The following SLC7A1 variants were observed in gnomAD, a reference collection of about 807,000 sequenced individuals.
SLC7A1 encodes solute carrier family 7 member 1, also known as high affinity cationic amino acid transporter 1.
Under a neutral mutation model 53.9 loss-of-function variants are expected in SLC7A1, and 10 were observed. The observed-to-expected ratio is 0.19, with a 90% CI of 0.11 to 0.31. The LOEUF is 0.31. Among genes scored for constraint, SLC7A1 ranks in the 10% least tolerant of loss-of-function variants. The pLI, the probability that SLC7A1 is intolerant of heterozygous loss-of-function variation, is 1.00. For synonymous variants in SLC7A1, 342 were observed against 338.7 expected, an observed-to-expected ratio of 1.01 and a Z score of -0.11; for missense variants, 525 against 827.2, an observed-to-expected ratio of 0.63 and a Z score of 4.48.
chr13:29,546,474 C>G lies in SLC7A1; in HGVS notation c.-15+7287G>C, dbSNP rs997431315. Among the ~76,000 whole-genome samples, 6 of 152,142 alleles carry G rather than the reference C, an allele frequency of 3.9e-5. No individual in the cohort carries two copies. The East Asian group carries it at 1.2e-3, about 29-fold the overall frequency. Reference sequence around the variant, plus strand: ...TTCTAAATATTTCCTCTTCCAAAAGCAAAAGGAGAATCAGCATTGCAAACG... The same window carrying G: ...TTCTAAATATTTCCTCTTCCAAAAGGAAAAGGAGAATCAGCATTGCAAACG... On this transcript the variant is annotated intron_variant, in intron 2 of 12. Transcript: ENST00000380752.
chr13:29,561,527 G>T (rs1870755663), intron 1 of SLC7A1, among the ~76,000 whole-genome samples: 1 of 152,216 alleles, frequency 6.6e-6, no homozygotes, highest in East Asian at 1.9e-4. Flanking sequence ...TTTCTAGTCT[G>T]AAAAGGCAAA....
At chr13:29,519,932 T>C (rs1412767006) in intron 8 of SLC7A1, among the ~76,000 whole-genome samples, 1 of 152,188 alleles carries the variant, frequency 6.6e-6, no homozygotes, top group Non-Finnish European at 1.5e-5. Context: ...TGGGTTCTTA[T>C]GACTCTGAGT....
In SLC7A1 at chr13:29,532,888, G is replaced by A. The variant is rs749028386; in HGVS notation, c.465C>T (p.Asn155=). ...GGTTTTCAGCCAGCACGCCGGGGGC[G>A]TTCAGAGTCATGTGTGTCCGTGAGA... ...GEFSRTHMTL[N]APGVLAENPD... Residue 155 remains asparagine (N), a synonymous_variant, in exon 4 of 13, where the codon AAC becomes AAT. Transcript: ENST00000380752. 31 of 1,613,962 alleles carry A rather than the reference G, an allele frequency of 1.9e-5. No homozygotes were observed. In the East Asian group the frequency reaches 2.0e-4, roughly 10 times the overall value.
chr13:29,562,368 GTC>G (rs1273591374), intron 1 of SLC7A1, among the ~76,000 whole-genome samples: 2 of 152,208 alleles, frequency 1.3e-5, no homozygotes, highest in Non-Finnish European at 2.9e-5. Context: ...CAGGTTGGGT[GTC>G]TCTGATCCAA....
At chr13:29,593,138 T>A (rs1201404950) in intron 1 of SLC7A1, among the ~76,000 whole-genome samples, 1 of 151,856 alleles carries the variant, frequency 6.6e-6, no homozygotes, top group African/African-American at 2.4e-5. Context: ...GGGATAAGAG[T>A]TCTAAAAAGG....
At chr13:29,531,515 T>G (rs1003495705) in intron 4 of SLC7A1, among the ~76,000 whole-genome samples, 59 of 152,304 alleles carry the variant, frequency 3.9e-4, no homozygotes, top group African/African-American at 1.2e-3. Context: ...TTGAGACCAC[T>G]GCTCTGCCAT....
chr13:29,551,444 T>C (rs1870181633), intron 2 of SLC7A1, among the ~76,000 whole-genome samples: 1 of 152,188 alleles, frequency 6.6e-6, no homozygotes, highest in Admixed American at 6.5e-5. Flanking sequence ...ATCATGGCGG[T>C]GCCCAGTAAG....
Position 29,514,466 on chromosome 13 carries a change from G to C in SLC7A1, c.*14C>G, listed in dbSNP as rs1303926030. 3 of 1,599,458 alleles carry C rather than the reference G, an allele frequency of 1.9e-6. No homozygotes were observed. The highest frequency in any genetic ancestry group is 2.6e-6 in the Non-Finnish European group (3 of 1,174,042). On this transcript the variant is annotated 3_prime_UTR_variant, in exon 13 of 13. Coordinates refer to ENST00000380752, the MANE Select transcript of SLC7A1 (RefSeq NM_003045.5). ...CTCGGGGCTGCTGCCACCTCCGGGG[G>C]GCGGGGCTGTGCGTCACTTGCACTG...
intron 1 of SLC7A1, among the ~76,000 whole-genome samples, chr13:29,593,057 G>A (rs552769167): frequency 6.6e-6 from 1 of 152,172 alleles, no homozygotes; most frequent in South Asian, 2.1e-4. Flanking sequence ...CAGCCTGGAC[G>A]GGTGGCTGCA....
At chr13:29,588,565 G>A (rs1156398662) in intron 1 of SLC7A1, among the ~76,000 whole-genome samples, 5 of 150,302 alleles carry the variant, frequency 3.3e-5, no homozygotes, top group African/African-American at 1.2e-4. Flanking sequence ...GTGCAGTGGT[G>A]TGATCTCGGC....
intron 2 of SLC7A1, among the ~76,000 whole-genome samples, chr13:29,550,943 T>C (rs920993321): frequency 5.3e-5 from 8 of 152,240 alleles, no homozygotes; most frequent in African/African-American, 1.7e-4. Context: ...CAGCAACCTT[T>C]CTTTAATACA....
At chr13:29,522,198 C>T in intron 8 of SLC7A1, 119 bp downstream of exon 8, 1 of 1,023,032 alleles carries the variant, frequency 9.8e-7, no homozygotes, top group Non-Finnish European at 1.5e-6. Flanking sequence ...GTATAAAAAC[C>T]AGGAGTTAAA....
chr13:29,529,535 GCT>G (rs1207573255), intron 5 of SLC7A1, among the ~76,000 whole-genome samples: 1 of 152,210 alleles, frequency 6.6e-6, no homozygotes, highest in Non-Finnish European at 1.5e-5. Flanking sequence ...GCTGGGTCAT[GCT>G]CGTGCCTACA....
chr13:29,516,979 T>G, intron 11 of SLC7A1, 165 bp downstream of exon 11: 2 of 577,946 alleles, frequency 3.5e-6, no homozygotes, highest in Non-Finnish European at 5.8e-6. Flanking sequence ...CAGGGTCTGG[T>G]CCTCTCTGTG....
intron 12 of SLC7A1, among the ~76,000 whole-genome samples, chr13:29,514,909 G>A (rs910572098): frequency 2.6e-5 from 4 of 152,304 alleles, no homozygotes; most frequent in African/African-American, 9.6e-5. Context: ...TGCCCCCGGA[G>A]GCCACGAGAG....
intron 1 of SLC7A1, among the ~76,000 whole-genome samples, chr13:29,562,710 C>A (rs146029678): frequency 6.6e-6 from 1 of 152,132 alleles, no homozygotes; most frequent in African/African-American, 2.4e-5. Flanking sequence ...TATTTGGAAC[C>A]TATACCAGTT....
chr13:29,522,294 G>C, intron 8 of SLC7A1, 23 bp downstream of exon 8: 1 of 1,612,732 alleles, frequency 6.2e-7, no homozygotes, highest in Non-Finnish European at 8.5e-7. Flanking sequence ...ACATTTCCAT[G>C]TGAAATGAGT....
chr13:29,517,767 A>G lies in SLC7A1; in HGVS notation c.1316T>C (p.Leu439Pro), dbSNP rs1433802664. The change falls in exon 10 of 13, where the codon CTG becomes CCG. Residue 439 changes from leucine to proline, a missense_variant. Around this residue, in one of 4 missense-constraint regions of SLC7A1, gnomAD observed 354 missense variants for 587.5 expected, o/e 0.60. Transcript: ENST00000380752. ...GGAAGTACTGGCCATCTGGTATACCAGGTTAGGCTGCTCTGGCTGGTACCT... is the reference window on the plus strand; with the variant it reads ...GGAAGTACTGGCCATCTGGTATACCGGGTTAGGCTGCTCTGGCTGGTACCT... ...VLRYQPEQPN[L>P]VYQMASTSDE... 6.2e-7 allele frequency: 1 copy of G among 1,614,042 alleles called. No homozygotes were observed. The highest frequency in any genetic ancestry group is 1.3e-5 in the African/African-American group (1 of 74,934).
At chr13:29,590,017 C>T (rs2139194940) in intron 1 of SLC7A1, among the ~76,000 whole-genome samples, 1 of 152,372 alleles carries the variant, frequency 6.6e-6, no homozygotes, top group South Asian at 2.1e-4. Flanking sequence ...TCCCTTCCTT[C>T]CTACTTGGCC....
Sources: gnomAD v4.1 joint callset for allele counts (sites outside exome capture counted in the v4.1 genomes callset) on GRCh38, gnomAD v4.1.1 for gene constraint, gnomAD v4.1.1 regional missense constraint, MANE v1.5 for transcripts, NCBI Gene and HGNC (gene_info 2026-07-23, HGNC 2026-07-21) for gene names.